SEMA5B: variants seen among roughly 807,000 people sequenced by gnomAD.
The protein encoded by SEMA5B is semaphorin 5B, also known as semaphorin-5B.
Under a neutral mutation model 135.0 loss-of-function variants are expected in SEMA5B, and 66 were observed. The ratio of observed to expected loss-of-function variants is 0.49; its 90% CI spans 0.40 to 0.60. SEMA5B has a LOEUF of 0.60. Ranked by LOEUF, SEMA5B falls within the 20% of genes least tolerant of loss-of-function variation. The pLI, the probability that SEMA5B is intolerant of heterozygous loss-of-function variation, is 0.00. For synonymous variants in SEMA5B, 690 were observed against 639.5 expected (o/e 1.08, Z -1.19); for missense variants, 1,501 against 1,566.3 (o/e 0.96, Z 0.70).
At chr3:122,915,683 G>A in intron 13 of SEMA5B, 62 bp from the exon 14 acceptor site, 1 of 1,602,206 alleles carries the variant, frequency 6.2e-7, no homozygotes, top group Non-Finnish European at 8.5e-7. Context: ...GAAGTCATAA[G>A]ATCTCAGGGG....
intron 2 of SEMA5B, among the ~76,000 whole-genome samples, chr3:122,958,021 T>C (rs1940410926): frequency 6.6e-6 from 1 of 152,218 alleles, no homozygotes; most frequent in Admixed American, 6.5e-5. Context: ...ATTTGGGCTG[T>C]GGGAGGCAGT....
intron 10 of SEMA5B, 73 bp from the exon 11 acceptor site, chr3:122,922,520 C>CT: frequency 7.0e-7 from 1 of 1,419,156 alleles, no homozygotes; most frequent in East Asian, 2.5e-5. Context: ...CTCCCTCCTC[C>CT]TGGCAACCCA....
chr3:122,969,204 C>T (rs565646099), intron 1 of SEMA5B, among the ~76,000 whole-genome samples: 1 of 152,266 alleles, frequency 6.6e-6, no homozygotes, highest in East Asian at 1.9e-4. Flanking sequence ...GTGGCCTGTC[C>T]AAAGTCACAC....
At chr3:123,007,941 C>G (rs949720272) in intron 1 of SEMA5B, among the ~76,000 whole-genome samples, 3 of 152,206 alleles carry the variant, frequency 2.0e-5, no homozygotes, top group African/African-American at 7.2e-5. Flanking sequence ...GCAGACCAAA[C>G]TAAGGAAAGA....
chr3:122,913,774 C>T, intron 15 of SEMA5B, 84 bp downstream of exon 15: 1 of 1,569,580 alleles, frequency 6.4e-7, no homozygotes, highest in Non-Finnish European at 8.6e-7. Flanking sequence ...GGACGAGAGT[C>T]CCCGGGATCA....
chr3:122,965,260 C>T (rs1940768806), intron 1 of SEMA5B, among the ~76,000 whole-genome samples: 1 of 152,200 alleles, frequency 6.6e-6, no homozygotes, highest in Non-Finnish European at 1.5e-5. Context: ...TTCATTCCCC[C>T]ATTGTCTTCG....
intron 1 of SEMA5B, among the ~76,000 whole-genome samples, chr3:122,997,424 C>T (rs777257560): frequency 1.4e-4 from 21 of 152,060 alleles, no homozygotes; most frequent in East Asian, 3.9e-4. Context: ...ACTCCAGACC[C>T]GCCTGAGGTC....
At chr3:122,925,355 C>T (rs562186523) in intron 9 of SEMA5B, among the ~76,000 whole-genome samples, 4 of 148,948 alleles carry the variant, frequency 2.7e-5, no homozygotes, top group South Asian at 2.2e-4. Context: ...TAAACACTAA[C>T]GATAGCTGAT....
intron 5 of SEMA5B, among the ~76,000 whole-genome samples, chr3:122,932,242 G>GTTTTT (rs1358801187): frequency 1.5e-4 from 8 of 54,652 alleles, no homozygotes; most frequent in Non-Finnish European, 2.2e-4. Flanking sequence ...CTCTCAATAT[G>GTTTTT]ATTTTTTTTT....
At chr3:123,008,294 A>G (rs906911064) in intron 1 of SEMA5B, among the ~76,000 whole-genome samples, 1 of 152,126 alleles carries the variant, frequency 6.6e-6, no homozygotes, top group Non-Finnish European at 1.5e-5. Flanking sequence ...AGAATCGAAC[A>G]CTGTTTTTTC....
chr3:122,924,676 A>G (rs1380620772), intron 9 of SEMA5B, among the ~76,000 whole-genome samples: 7 of 151,942 alleles, frequency 4.6e-5, no homozygotes, highest in Admixed American at 4.6e-4. Context: ...CCTCACCCTT[A>G]AATGTCTTGC....
intron 1 of SEMA5B, among the ~76,000 whole-genome samples, chr3:122,994,422 G>A (rs1468020416): frequency 6.6e-6 from 1 of 152,168 alleles, no homozygotes; most frequent in Non-Finnish European, 1.5e-5. Flanking sequence ...TTCTCAACGA[G>A]TACAAAAGTG....
At chr3:122,922,169 A>G in intron 11 of SEMA5B, 47 bp from the exon 12 acceptor site, 1 of 1,562,554 alleles carries the variant, frequency 6.4e-7, no homozygotes, top group Non-Finnish European at 8.7e-7. Flanking sequence ...AAGGCCCCGG[A>G]AGCTTGCAGC....
intron 2 of SEMA5B, among the ~76,000 whole-genome samples, chr3:122,957,949 G>A (rs1256021234): frequency 6.6e-6 from 1 of 152,234 alleles, no homozygotes; most frequent in African/African-American, 2.4e-5. Flanking sequence ...CCTTACTAGG[G>A]AGAGTGCTTT....
intron 1 of SEMA5B, among the ~76,000 whole-genome samples, chr3:122,976,977 G>A (rs977316575): frequency 3.3e-5 from 5 of 152,218 alleles, no homozygotes; most frequent in African/African-American, 9.6e-5. Context: ...TTGAACCGGG[G>A]AGGTGGAGAT....
intron 2 of SEMA5B, among the ~76,000 whole-genome samples, chr3:122,949,896 C>A (rs2107557846): frequency 6.6e-6 from 1 of 152,312 alleles, no homozygotes; most frequent in African/African-American, 2.4e-5. Context: ...ACTCCCTAGC[C>A]CCACTGCTCC....
Position 122,956,690 on chromosome 3 carries a change from A to G in SEMA5B, c.124+4450T>C, listed in dbSNP as rs60047732. Among the ~76,000 whole-genome samples the G allele has an allele frequency of 7.5e-3, 1,140 of 152,092 alleles. 11 individuals carry two copies. The highest frequency in any genetic ancestry group is 0.026 in the African/African-American group (1,095 of 41,508). On this transcript the variant is annotated intron_variant, in intron 2 of 22. Transcript: ENST00000357599. ...ACCCTCCCCCGTTTTCAGACAGGGG[A>G]TCGCCCAGACCACCCCGGGGTGGGT...
intron 2 of SEMA5B, among the ~76,000 whole-genome samples, chr3:122,951,428 A>G (rs113057053): frequency 1.3e-5 from 2 of 152,304 alleles, no homozygotes; most frequent in African/African-American, 4.8e-5. Context: ...CATATTGGCT[A>G]CTCAATAAAG....
intron 9 of SEMA5B, among the ~76,000 whole-genome samples, chr3:122,924,617 A>T (rs778434831): frequency 1.3e-4 from 20 of 152,088 alleles, no homozygotes; most frequent in Non-Finnish European, 2.6e-4. Context: ...GTCCTTTGGG[A>T]CATACCCTCC....
Sources: allele counts gnomAD v4.1 joint callset (sites outside exome capture counted in the v4.1 genomes callset), GRCh38; gene constraint gnomAD v4.1.1; transcripts MANE v1.5; gene names NCBI Gene and HGNC (gene_info 2026-07-23, HGNC 2026-07-21).